MYO7A: variants seen among roughly 807,000 people sequenced by gnomAD.
MYO7A encodes the protein myosin VIIA.
A neutral mutation model predicts 263.8 loss-of-function variants in MYO7A; 210 were observed. The observed-to-expected ratio is 0.80, with a 90% CI of 0.71 to 0.89. MYO7A has a LOEUF of 0.89. Ranked by LOEUF, MYO7A falls within the 40% of genes least tolerant of loss-of-function variation. MYO7A has a pLI of 0.00. For synonymous variants in MYO7A, 1,239 were observed against 1,197.3 expected (o/e 1.03, Z -0.72); for missense variants, 2,820 against 2,968.3 (o/e 0.95, Z 1.16).
intron 15 of MYO7A, among the ~76,000 whole-genome samples, chr11:77,170,510 G>A (rs1953992067): frequency 2.0e-5 from 3 of 152,202 alleles, no homozygotes; most frequent in African/African-American, 7.2e-5. Flanking sequence ...GGAGGCGGTG[G>A]AGGGTTCTGG....
chr11:77,151,952 A>G (rs1179586300), intron 4 of MYO7A, among the ~76,000 whole-genome samples: 1 of 152,076 alleles, frequency 6.6e-6, no homozygotes, highest in African/African-American at 2.4e-5. Flanking sequence ...CCTACCCCCC[A>G]CACATCTGCT....
intron 15 of MYO7A, among the ~76,000 whole-genome samples, chr11:77,167,516 C>T (rs1555073405): frequency 6.6e-6 from 1 of 152,086 alleles, no homozygotes; most frequent in Non-Finnish European, 1.5e-5. Context: ...CACCATTCCC[C>T]GGACCTCCTT....
chr11:77,214,753 GCCCATCAGCTACCC>G lies in MYO7A; in HGVS notation c.*59_*72del. The G allele has an allele frequency of 7.3e-7, 1 of 1,372,046 alleles. No homozygotes were observed. Among genetic ancestry groups the G allele is most frequent in the South Asian group, 1.3e-5 (1 of 78,772 alleles). The allele number at this position is 1,372,046 out of a possible 1,614,324, so 85.0% of individuals were successfully genotyped here. The stretch of plus-strand genomic sequence containing the variant: ...GCTCTCGAGGCAGCAGTGGGTTCAG[GCCCATCAGCTACCC>G]CTGCAGCTGGGGAAGACTTATGCCA... On this transcript the variant is annotated 3_prime_UTR_variant, in exon 49 of 49. Transcript: ENST00000409709.
At chr11:77,208,877 C>T in intron 44 of MYO7A, 74 bp downstream of exon 44, 2 of 1,251,916 alleles carry the variant, frequency 1.6e-6, no homozygotes, top group Non-Finnish European at 2.3e-6. Flanking sequence ...AAGCAGAGAC[C>T]CACTGACCTT....
In MYO7A at chr11:77,205,637, C is replaced by T. The variant is rs1957396746; in HGVS notation, c.5636+20C>T. Reference sequence around the variant, plus strand: ...CCTGAGGTACAGCGGCCACCAGGGGCAGGGACAGACACTGGGGCGGGCTCC... The same window carrying T: ...CCTGAGGTACAGCGGCCACCAGGGGTAGGGACAGACACTGGGGCGGGCTCC... On this transcript the variant is annotated intron_variant, in intron 40 of 48. Transcript: ENST00000409709. 1.2e-6 allele frequency: 2 copies of T among 1,612,496 alleles called. No homozygotes were observed. Among genetic ancestry groups the T allele is most frequent in the South Asian group, 1.1e-5 (1 of 90,924 alleles).
intron 15 of MYO7A, among the ~76,000 whole-genome samples, chr11:77,168,088 CTCGCTGGGCCCA>C (rs1953726325): frequency 6.6e-6 from 1 of 152,226 alleles, no homozygotes; most frequent in African/African-American, 2.4e-5. Context: ...CTGCTGGCCC[CTCGCTGGGCCCA>C]TCCATTCCTC....
intron 46 of MYO7A, 116 bp from the exon 47 acceptor site, chr11:77,212,836 A>G: frequency 1.2e-6 from 1 of 849,864 alleles, no homozygotes; most frequent in Non-Finnish European, 2.0e-6. Context: ...CGTCAGTACC[A>G]CATAGGCAAC....
At chr11:77,144,422 C>G (rs1232500856) in intron 3 of MYO7A, among the ~76,000 whole-genome samples, 1 of 152,156 alleles carries the variant, frequency 6.6e-6, no homozygotes, top group African/African-American at 2.4e-5. Flanking sequence ...CCCGTAACTG[C>G]GTCACCGAAT....
chr11:77,159,502 C>T lies in MYO7A; in HGVS notation c.1059C>T (p.Ala353=), dbSNP rs573947142. ...AGGTTCTCTTCTCCCCATCGCTGGC[C>T]ACAGCTGCATCCCTGCTTGAGGTCA... ...ACEVLFSPSL[A]TAASLLEVNP... Residue 353 remains alanine, a synonymous_variant, in exon 10 of 49, where the codon GCC becomes GCT. Coordinates refer to ENST00000409709, the MANE Select transcript of MYO7A (RefSeq NM_000260.4). 6 of 1,613,216 alleles carry T rather than the reference C, an allele frequency of 3.7e-6. No homozygotes were observed. In the East Asian group the frequency reaches 8.9e-5, roughly 24 times the overall value.
chr11:77,135,644 CAT>C (rs2135546633), intron 2 of MYO7A, among the ~76,000 whole-genome samples: 2 of 152,226 alleles, frequency 1.3e-5, no homozygotes, highest in Non-Finnish European at 2.9e-5. Flanking sequence ...TAGGAACTGC[CAT>C]AGTGTTTTTC....
chr11:77,128,834 T>C (rs1361314716), intron 1 of MYO7A, among the ~76,000 whole-genome samples: 1 of 152,176 alleles, frequency 6.6e-6, no homozygotes, highest in Non-Finnish European at 1.5e-5. Flanking sequence ...TTGCTTTCTC[T>C]CTGACACTCT....
intron 3 of MYO7A, among the ~76,000 whole-genome samples, chr11:77,143,365 A>C (rs1951344947): frequency 6.6e-6 from 1 of 152,246 alleles, no homozygotes; most frequent in Non-Finnish European, 1.5e-5. Flanking sequence ...GTGTTGGGTT[A>C]CTGACATCAC....
intron 32 of MYO7A, among the ~76,000 whole-genome samples, chr11:77,196,240 G>A (rs1956653404): frequency 6.6e-6 from 1 of 152,144 alleles, no homozygotes; most frequent in Non-Finnish European, 1.5e-5. Flanking sequence ...GGTGGTGGGT[G>A]CCTGTGATCC....
intron 2 of MYO7A, among the ~76,000 whole-genome samples, chr11:77,131,252 CCAGGTGGGCCTGG>C (rs1950757868): frequency 1.3e-5 from 2 of 152,224 alleles, no homozygotes; most frequent in African/African-American, 4.8e-5. Flanking sequence ...GGGCCCTGAG[CCAGGTGGGCCTGG>C]CAGCAGGCCG....
chr11:77,142,768 G>A lies in MYO7A; in HGVS notation c.78G>A (p.Ala26=), dbSNP rs373517098. ...AGGAGTTCGACGTGCCCATCGGGGC[G>A]GTGGTGAAGCTCTGCGACTCTGGGC... ...LGQEFDVPIG[A]VVKLCDSGQV... The change falls in exon 3 of 49, where the codon GCG becomes GCA. Residue 26 remains alanine, a synonymous_variant. Coordinates refer to ENST00000409709, the MANE Select transcript of MYO7A (RefSeq NM_000260.4). 104 of 1,612,162 alleles carry A rather than the reference G, an allele frequency of 6.5e-5. No homozygotes were observed. The highest frequency in any genetic ancestry group is 5.0e-4 in the Middle Eastern group (3 of 6,060).
At position 77,181,421 on chromosome 11, in the gene MYO7A, G is replaced by A. The variant is rs1955173150; in HGVS notation, c.2736G>A (p.Glu912=). Reference sequence around the variant, plus strand: ...TGGCTCGTGAGGACGCTGAGCGGGAGCTGAAGGAGAAGGAGGCCGCTCGGC... The same window carrying A: ...TGGCTCGTGAGGACGCTGAGCGGGAACTGAAGGAGAAGGAGGCCGCTCGGC... ...AQLAREDAER[E]LKEKEAARRK... Residue 912 remains glutamate, a synonymous_variant, in exon 23 of 49, where the codon GAG becomes GAA. Coordinates refer to ENST00000409709, the MANE Select transcript of MYO7A (RefSeq NM_000260.4). The A allele has an allele frequency of 1.3e-6, 2 of 1,591,570 alleles. No homozygotes were observed. Among genetic ancestry groups the A allele is most frequent in the African/African-American group, 2.7e-5 (2 of 74,730 alleles).
intron 29 of MYO7A, 94 bp from the exon 30 acceptor site, chr11:77,190,603 C>CTG (rs1955988298): frequency 7.1e-7 from 1 of 1,399,572 alleles, no homozygotes; most frequent in Admixed American, 2.0e-5. Context: ...TGCTGGGGCA[C>CTG]CTCCAACCCC....
chr11:77,211,940 A>G lies in MYO7A; in HGVS notation c.6354+3A>G. 1 of 1,608,298 alleles carries G rather than the reference A, an allele frequency of 6.2e-7. No homozygotes were observed. On this transcript the variant is annotated splice_donor_region_variant and intron_variant, in intron 46 of 48. Coordinates refer to ENST00000409709, the MANE Select transcript of MYO7A (RefSeq NM_000260.4). ...GCTCAGCCTTCTTCGAGGTGAAGGT[A>G]CACCATGGGCTTCTCAGAGCAGAGG...
chr11:77,175,614 G>T, intron 18 of MYO7A, 150 bp downstream of exon 18: 1 of 763,428 alleles, frequency 1.3e-6, no homozygotes, highest in East Asian at 2.6e-5. Context: ...GTGGGATCTG[G>T]CCTCTCTGGT....
Sources: allele counts gnomAD v4.1 joint callset (sites outside exome capture counted in the v4.1 genomes callset), GRCh38; gene constraint gnomAD v4.1.1; transcripts MANE v1.5; gene names NCBI Gene and HGNC (gene_info 2026-07-23, HGNC 2026-07-21).